The following FAM234A variants were observed in gnomAD, a reference collection of about 807,000 sequenced individuals.
FAM234A encodes protein FAM234A.
A neutral mutation model predicts 49.1 loss-of-function variants in FAM234A; 42 were observed. The observed-to-expected ratio is 0.86, with a 90% confidence interval of 0.67 to 1.11. The LOEUF (loss-of-function observed/expected upper bound fraction) is 1.11. Ranked by LOEUF, FAM234A falls within the 50% of genes least tolerant of loss-of-function variation. FAM234A has a pLI of 0.00. For synonymous variants in FAM234A, 369 were observed against 316.2 expected (o/e 1.17, Z -1.77); for missense variants, 815 against 745.2 (o/e 1.09, Z -1.09).
At chr16:269,906 G>T (rs2051841830), downstream of FAM234A, 1 of 283,140 alleles carries the variant, frequency 3.5e-6, no homozygotes, top group African/African-American at 2.3e-5. Context: ...GTGAGGGCAG[G>T]GTTGTGGAGT....
At chr16:254,776 G>A in intron 3 of FAM234A, 95 bp downstream of exon 3, 3 of 1,332,536 alleles carry the variant, frequency 2.3e-6, no homozygotes. Context: ...GTCTAGAAGT[G>A]GCCTTTAAAC....
rs1292919486 is a variant in FAM234A at position 265,111 on chromosome 16, A to AC, written c.*90dup. On this transcript the variant is annotated 3_prime_UTR_variant, in exon 13 of 13. Transcript: ENST00000399932. ...GGCCCTTCCCTGGGTCTCTGCACTG[A>AC]CTCCCCCACTCCTGACCCTGGTGAT... The AC allele has an allele frequency of 9.0e-5, 134 of 1,483,374 alleles. No individual in the cohort carries two copies. The highest frequency in any genetic ancestry group is 1.1e-4 in the Non-Finnish European group (125 of 1,120,850). The allele number at this position is 1,483,374 out of a possible 1,614,324, so 91.9% of individuals were successfully genotyped here. A position where few individuals can be genotyped will look rare whatever the true frequency, so the allele number is the denominator to read the frequency against.
At chr16:235,996 T>TA (rs1277374302) in intron 1 of FAM234A, among the ~76,000 whole-genome samples, 4 of 151,326 alleles carry the variant, frequency 2.6e-5, no homozygotes, top group African/African-American at 9.7e-5. Context: ...CTACTAAAAA[T>TA]AAAAAAATTA....
At chr16:257,437 G>C (rs2051281193) in intron 3 of FAM234A, among the ~76,000 whole-genome samples, 1 of 151,420 alleles carries the variant, frequency 6.6e-6, no homozygotes, top group African/African-American at 2.4e-5. Context: ...GTAGAGACGG[G>C]GTTTCACCAT....
At chr16:247,942 G>T (rs895516053) in intron 1 of FAM234A, among the ~76,000 whole-genome samples, 4 of 152,210 alleles carry the variant, frequency 2.6e-5, no homozygotes, top group South Asian at 4.1e-4. Context: ...GGCACTGCGG[G>T]GCCTGACTGT....
In FAM234A at chr16:235,946, A is replaced by G. The variant is rs190459767; in HGVS notation, c.-140+1089A>G. 1.7e-4 allele frequency among the ~76,000 whole-genome samples: 26 copies of G among 150,838 alleles called. No homozygotes were observed. The East Asian group carries it at 3.7e-3, about 21-fold the overall frequency. Reference sequence around the variant, plus strand: ...GGCAGGCGGATCACCTGAGGTCAGGAGTTCGAGACCAGCATGGCCAACATG... The same window carrying G: ...GGCAGGCGGATCACCTGAGGTCAGGGGTTCGAGACCAGCATGGCCAACATG... On this transcript the variant is annotated intron_variant, in intron 1 of 12. Coordinates refer to ENST00000399932, the MANE Select transcript of FAM234A (RefSeq NM_032039.4).
chr16:242,238 A>T (rs551330693), intron 1 of FAM234A, among the ~76,000 whole-genome samples: 75 of 152,136 alleles, frequency 4.9e-4, no homozygotes, highest in Middle Eastern at 6.8e-3. Flanking sequence ...TTTTTGAGAC[A>T]GAGTCTTGGT....
At chr16:242,711 CA>C (rs2050663466) in intron 1 of FAM234A, among the ~76,000 whole-genome samples, 1 of 151,132 alleles carries the variant, frequency 6.6e-6, no homozygotes, top group African/African-American at 2.4e-5. Context: ...CCCCCGGGTT[CA>C]AGCGATTCTC....
At chr16:268,744 T>C (rs1301445344), downstream of FAM234A, 1 of 1,543,410 alleles carries the variant, frequency 6.5e-7, no homozygotes, top group South Asian at 1.2e-5. Context: ...CGAGGCAGCC[T>C]CAGCACGGCA....
At position 265,304 on chromosome 16, in the gene FAM234A, TTCA is replaced by T; in HGVS notation, c.*284_*286del. 1 of 1,237,748 alleles carries T rather than the reference TTCA, an allele frequency of 8.1e-7. No homozygotes were observed. Among genetic ancestry groups the T allele is most frequent in the Non-Finnish European group, 1.0e-6 (1 of 985,962 alleles). The allele number at this position is 1,237,748 out of a possible 1,614,324, so 76.7% of individuals were successfully genotyped here. ...AGGGTCCCGCTCACACCAGGCAGCC[TTCA>T]TAGTGGTCTCCCTGGCCACCTTGGG... On this transcript the variant is annotated 3_prime_UTR_variant, in exon 13 of 13. Coordinates refer to ENST00000399932, the MANE Select transcript of FAM234A (RefSeq NM_032039.4).
chr16:261,622 A>C (rs2051471062), intron 6 of FAM234A, 108 bp downstream of exon 6: 9 of 1,359,806 alleles, frequency 6.6e-6, no homozygotes, highest in Admixed American at 4.3e-5. Flanking sequence ...GGGTCTGACC[A>C]CTTGCCGGGG....
intron 2 of FAM234A, among the ~76,000 whole-genome samples, chr16:251,679 GTT>G (rs1172222528): frequency 3.3e-5 from 3 of 91,146 alleles, no homozygotes; most frequent in Non-Finnish European, 6.0e-5. Context: ...GCCTAGCCAG[GTT>G]TTTTTTTTTT....
chr16:251,192 G>A (rs190132943), intron 2 of FAM234A, among the ~76,000 whole-genome samples: 3 of 152,078 alleles, frequency 2.0e-5, no homozygotes, highest in East Asian at 1.9e-4. Context: ...GCCTGACCTC[G>A]TAATCCTCCC....
At chr16:263,799 T>C in intron 10 of FAM234A, 24 bp downstream of exon 10, 1 of 1,586,064 alleles carries the variant, frequency 6.3e-7, no homozygotes, top group Non-Finnish European at 8.7e-7. Flanking sequence ...CCTTCGGAGG[T>C]GGCACCTTTG....
At chr16:259,946 G>A in intron 4 of FAM234A, 23 bp from the exon 5 acceptor site, 2 of 1,606,056 alleles carry the variant, frequency 1.2e-6, no homozygotes, top group Admixed American at 1.7e-5. Context: ...GCAACAGTGA[G>A]GTGCCGGTGT....
chr16:248,045 T>C (rs1384609284), intron 1 of FAM234A, among the ~76,000 whole-genome samples: 3 of 152,090 alleles, frequency 2.0e-5, no homozygotes, highest in East Asian at 3.8e-4. Context: ...CGTCCCGTAA[T>C]GGGGCTTTGC....
intron 1 of FAM234A, among the ~76,000 whole-genome samples, chr16:240,724 A>G (rs768979793): frequency 1.3e-5 from 2 of 151,882 alleles, no homozygotes; most frequent in Non-Finnish European, 2.9e-5. Flanking sequence ...TTGGTCTCGC[A>G]CTCCTGACCT....
intron 1 of FAM234A, among the ~76,000 whole-genome samples, chr16:239,630 A>T (rs1596738606): frequency 6.6e-6 from 1 of 151,802 alleles, no homozygotes; most frequent in Non-Finnish European, 1.5e-5. Context: ...AAAAAAAAAA[A>T]AATTAACACT....
chr16:246,927 C>G (rs2050833228), intron 1 of FAM234A: 1 of 151,678 alleles, frequency 6.6e-6, no homozygotes, highest in Non-Finnish European at 1.5e-5. Context: ...AGGCGCATGC[C>G]ACCATACTCA....
Sources: gnomAD v4.1 joint callset for allele counts (sites outside exome capture counted in the v4.1 genomes callset) on GRCh38, gnomAD v4.1.1 for gene constraint, MANE v1.5 for transcripts, NCBI Gene and HGNC (gene_info 2026-07-23, HGNC 2026-07-21) for gene names.